Variants in RAPH1 observed in about 807,000 individuals in gnomAD.
RAPH1 encodes the protein Ras association (RalGDS/AF-6) and pleckstrin homology domains 1.
Under a neutral mutation model 88.1 loss-of-function variants are expected in RAPH1, and 18 were observed. The observed-to-expected ratio is 0.20, with a 90% confidence interval of 0.14 to 0.30. RAPH1 has a LOEUF of 0.30. RAPH1 is among the 10% of genes least tolerant of loss of function. The probability of loss-of-function intolerance (pLI) is 1.00; values close to 1 mark genes in which losing one functional copy is unlikely to be tolerated. For synonymous variants in RAPH1, 587 were observed against 559.0 expected (o/e 1.05, Z -0.71); for missense variants, 1,448 against 1,543.2 (o/e 0.94, Z 1.03).
chr2:203,467,815 T>C (rs2098529829), intron 4 of RAPH1, among the ~76,000 whole-genome samples: 1 of 151,920 alleles, frequency 6.6e-6, no homozygotes, highest in African/African-American at 2.4e-5. Context: ...TCACCCAGGC[T>C]AGAGTGCAGT....
Position 203,441,228 on chromosome 2 carries a change from T to G in RAPH1, c.1962A>C (p.Ala654=), listed in dbSNP as rs566594183. Residue 654 remains alanine (A), a synonymous_variant, in exon 14 of 14, where the codon GCA becomes GCC. Transcript: ENST00000319170. ...PPPPPLPSQS[A]PSAGSAAPMF... ...TTGGGGCTGCTGAGCCTGCAGAAGG[T>G]GCAGACTGGCTGGGGAGTGGGGGAG... 6 of 1,268,732 alleles carry G rather than the reference T, an allele frequency of 4.7e-6. No individual in the cohort carries two copies. In the South Asian group the frequency reaches 6.4e-5, roughly 14 times the overall value. The allele number at this position is 1,268,732 out of a possible 1,614,324, so 78.6% of individuals were successfully genotyped here. A position where few individuals can be genotyped will look rare whatever the true frequency, so the allele number is the denominator to read the frequency against.
In RAPH1 at chr2:203,444,851, TA is replaced by T; in HGVS notation, c.1776+16del. On this transcript the variant is annotated intron_variant, in intron 13 of 13. Coordinates refer to ENST00000319170, the MANE Select transcript of RAPH1 (RefSeq NM_213589.3). Reference sequence around the variant, plus strand: ...ATACCACAGAATTTTCAATGTAAATTAAAACGAAGCTGTTACCTTGCTGGAC... The same window carrying T: ...ATACCACAGAATTTTCAATGTAAATTAAACGAAGCTGTTACCTTGCTGGAC... 6.2e-7 allele frequency: 1 copy of T among 1,610,648 alleles called. No homozygotes were observed. The highest frequency in any genetic ancestry group is 1.3e-5 in the African/African-American group (1 of 74,876).
At position 203,441,365 on chromosome 2, in the gene RAPH1, A is replaced by C. The variant is rs1462915953; in HGVS notation, c.1825T>G (p.Leu609Val). ...GTGACTATCTTAGGTTGCGGGGATA[A>C]AGGGGGCACAAGTGAAGTGTAGGGC... The part of the protein sequence containing the change: ...NRPYTSLVPP[L>V]SPQPKIVTPY... The change falls in exon 14 of 14, where the codon TTA becomes GTA. Residue 609 changes from leucine (L) to valine (V), a missense_variant. Around this residue, in one of 2 missense-constraint regions of RAPH1, gnomAD observed 935 missense variants for 890.1 expected, o/e 1.05. Coordinates refer to ENST00000319170, the MANE Select transcript of RAPH1 (RefSeq NM_213589.3). The C allele has an allele frequency of 5.1e-6, 8 of 1,575,096 alleles. No individual in the cohort carries two copies. The highest frequency in any genetic ancestry group is 6.9e-6 in the Non-Finnish European group (8 of 1,162,094).
rs1372693256 is a variant in RAPH1, at chr2:203,464,333, A to C, written c.733-2408T>G. Among the ~76,000 whole-genome samples, 7 of 152,280 alleles carry C rather than the reference A, an allele frequency of 4.6e-5. No homozygotes were observed. In the East Asian group the frequency reaches 1.2e-3, roughly 25 times the overall value. On this transcript the variant is annotated intron_variant, in intron 4 of 13. Transcript: ENST00000319170. ...GTTGCCCAGGCTGGAGTGCAGTGGCATGATCTTGGCTCACTGCAACCTCCA... is the reference window on the plus strand; with the variant it reads ...GTTGCCCAGGCTGGAGTGCAGTGGCCTGATCTTGGCTCACTGCAACCTCCA...
intron 1 of RAPH1, among the ~76,000 whole-genome samples, chr2:203,513,590 C>T (rs1203094498): frequency 6.7e-6 from 1 of 148,276 alleles, no homozygotes; most frequent in African/African-American, 2.5e-5. Context: ...AATGCCAGCA[C>T]TTTGGGAGAC....
chr2:203,524,818 C>T (rs1300896248), intron 1 of RAPH1, among the ~76,000 whole-genome samples: 1 of 152,092 alleles, frequency 6.6e-6, no homozygotes, highest in Non-Finnish European at 1.5e-5. Context: ...TTAAAACTTA[C>T]CAAATTGTAC....
At chr2:203,495,491 A>G in intron 1 of RAPH1, 138 bp from the exon 2 acceptor site, 1 of 803,208 alleles carries the variant, frequency 1.2e-6, no homozygotes, top group South Asian at 2.4e-5. Context: ...CTAAAAGAAA[A>G]TCTTAAGTCA....
intron 9 of RAPH1, among the ~76,000 whole-genome samples, chr2:203,454,876 C>T (rs1405525178): frequency 6.6e-6 from 1 of 152,080 alleles, no homozygotes; most frequent in African/African-American, 2.4e-5. Flanking sequence ...AAGAAAATAT[C>T]AAGTCGTTCA....
intron 2 of RAPH1, among the ~76,000 whole-genome samples, chr2:203,494,830 A>C (rs928860306): frequency 6.6e-6 from 1 of 151,812 alleles, no homozygotes; most frequent in African/African-American, 2.4e-5. Context: ...AAAAGAAAAA[A>C]AAAAAGAAAA....
chr2:203,503,231 A>G lies in RAPH1; in HGVS notation c.1-7878T>C, dbSNP rs903087926. Reference sequence around the variant, plus strand: ...ATTCCTTTATTTACATTAGATTTTCATAATATTGGATATTCTTAATCTATT... The same window carrying G: ...ATTCCTTTATTTACATTAGATTTTCGTAATATTGGATATTCTTAATCTATT... On this transcript the variant is annotated intron_variant, in intron 1 of 13. Transcript: ENST00000319170. Among the ~76,000 whole-genome samples the G allele has an allele frequency of 9.2e-5, 14 of 152,218 alleles. 1 individual carries two copies. The highest frequency in any genetic ancestry group is 3.4e-4 in the African/African-American group (14 of 41,456).
intron 4 of RAPH1, among the ~76,000 whole-genome samples, chr2:203,472,060 G>T (rs976264899): frequency 6.6e-6 from 1 of 151,786 alleles, no homozygotes; most frequent in Admixed American, 6.6e-5. Context: ...AGGAGGGAGG[G>T]AATTGGGAAA....
At chr2:203,443,557 A>C (rs918105997) in intron 13 of RAPH1, 4 of 152,178 alleles carry the variant, frequency 2.6e-5, no homozygotes, top group African/African-American at 9.7e-5. Flanking sequence ...CAAAACTTTT[A>C]AGGGAAATGA....
chr2:203,455,761 C>A (rs1005942939), intron 8 of RAPH1, among the ~76,000 whole-genome samples, 181 bp from the exon 9 acceptor site: 3 of 151,830 alleles, frequency 2.0e-5, no homozygotes, highest in African/African-American at 4.8e-5. Context: ...TGCCTGTAAT[C>A]CCAGCACTTT....
intron 1 of RAPH1, among the ~76,000 whole-genome samples, chr2:203,525,331 G>A (rs528945040): frequency 2.1e-4 from 32 of 152,054 alleles, no homozygotes; most frequent in African/African-American, 7.2e-4. Context: ...GATTACAGGC[G>A]CCCACCACCA....
intron 4 of RAPH1, among the ~76,000 whole-genome samples, chr2:203,485,918 A>C (rs1390278568): frequency 1.3e-5 from 2 of 152,104 alleles, no homozygotes; most frequent in Non-Finnish European, 2.9e-5. Context: ...CCTGACCTAG[A>C]AGGATTTGAT....
At chr2:203,478,316 G>A (rs1483750900) in intron 4 of RAPH1, among the ~76,000 whole-genome samples, 3 of 151,978 alleles carry the variant, frequency 2.0e-5, no homozygotes, top group Admixed American at 6.6e-5. Context: ...TTACAGGCAC[G>A]AGCCACTGAG....
intron 10 of RAPH1, among the ~76,000 whole-genome samples, chr2:203,449,938 G>A (rs759263586): frequency 2.7e-5 from 4 of 150,924 alleles, no homozygotes; most frequent in South Asian, 4.2e-4. Flanking sequence ...CAGGAGAATC[G>A]CTTAAACCCA....
intron 4 of RAPH1, among the ~76,000 whole-genome samples, chr2:203,483,543 A>G (rs1687821547): frequency 6.6e-6 from 1 of 152,246 alleles, no homozygotes; most frequent in South Asian, 2.1e-4. Context: ...GGTTTAGACC[A>G]GTTAAATTTG....
chr2:203,527,573 C>T lies in RAPH1; in HGVS notation c.-1+7538G>A, dbSNP rs375484036. Among the ~76,000 whole-genome samples the T allele has an allele frequency of 7.9e-5, 12 of 151,940 alleles. 1 individual carries two copies. The East Asian group carries it at 2.1e-3, about 27-fold the overall frequency. On this transcript the variant is annotated intron_variant, in intron 1 of 13. Transcript: ENST00000319170. Reference sequence around the variant, plus strand: ...CAGCACTTTGGGAGGCTGAGGTGGGCGGATCACCTGAGGTCAGGAGTTCGA... The same window carrying T: ...CAGCACTTTGGGAGGCTGAGGTGGGTGGATCACCTGAGGTCAGGAGTTCGA...
Sources: gnomAD v4.1 joint callset for allele counts (sites outside exome capture counted in the v4.1 genomes callset) on GRCh38, gnomAD v4.1.1 for gene constraint, gnomAD v4.1.1 regional missense constraint, MANE v1.5 for transcripts, NCBI Gene and HGNC (gene_info 2026-07-23, HGNC 2026-07-21) for gene names.